Variants in LDLRAD3 observed in about 807,000 individuals in gnomAD.
The protein encoded by LDLRAD3 is low-density lipoprotein receptor class A domain-containing protein 3.
Under a neutral mutation model 29.4 loss-of-function variants are expected in LDLRAD3, and 20 were observed. The observed-to-expected ratio is 0.68, with a 90% CI of 0.48 to 0.99. LDLRAD3 has a LOEUF of 0.99. Ranked by LOEUF, LDLRAD3 falls within the 50% of genes least tolerant of loss-of-function variation. The pLI is 0.00. For synonymous variants in LDLRAD3, 157 were observed against 192.7 expected, an observed-to-expected ratio of 0.81 and a Z score of 1.53; for missense variants, 420 against 454.3, an observed-to-expected ratio of 0.92 and a Z score of 0.69.
At chr11:36,097,538 C>T (rs546807774) in intron 3 of LDLRAD3, among the ~76,000 whole-genome samples, 2 of 151,996 alleles carry the variant, frequency 1.3e-5, no homozygotes, top group Non-Finnish European at 2.9e-5. Flanking sequence ...TTGACCATTT[C>T]GGGTGAGGCA....
chr11:36,220,075 A>T (rs1308756235), intron 4 of LDLRAD3, among the ~76,000 whole-genome samples: 1 of 152,254 alleles, frequency 6.6e-6, no homozygotes, highest in African/African-American at 2.4e-5. Context: ...AGATGCTCAC[A>T]TCATTAGTCA....
chr11:36,091,893 A>G (rs1472865252), intron 3 of LDLRAD3, among the ~76,000 whole-genome samples: 1 of 152,172 alleles, frequency 6.6e-6, no homozygotes, highest in Non-Finnish European at 1.5e-5. Flanking sequence ...ACCAGGCCCC[A>G]TGGGACCACA....
intron 1 of LDLRAD3, among the ~76,000 whole-genome samples, chr11:36,019,236 G>C (rs1004376280): frequency 1.3e-5 from 2 of 152,190 alleles, no homozygotes; most frequent in Non-Finnish European, 2.9e-5. Context: ...ATTATCGCGG[G>C]TGTTCAGTGC....
At chr11:35,962,498 G>A (rs889618473) in intron 1 of LDLRAD3, among the ~76,000 whole-genome samples, 1 of 152,124 alleles carries the variant, frequency 6.6e-6, no homozygotes, top group Non-Finnish European at 1.5e-5. Flanking sequence ...TTTTCCATAT[G>A]TTGGTTCCAC....
chr11:35,979,495 A>G (rs772850728), intron 1 of LDLRAD3, among the ~76,000 whole-genome samples: 1 of 152,156 alleles, frequency 6.6e-6, no homozygotes, highest in Non-Finnish European at 1.5e-5. Context: ...TTGTAGTATG[A>G]TAGAGTTTTC....
rs1855583443 is a variant in LDLRAD3 at position 36,232,014 on chromosome 11, T to C, written c.*2617T>C. Reference sequence around the variant, plus strand: ...AAAAATGCAACTAAGTGGTTAATAGTGTGTGACGCTCAAAGTTAATGTAAA... The same window carrying C: ...AAAAATGCAACTAAGTGGTTAATAGCGTGTGACGCTCAAAGTTAATGTAAA... On this transcript the variant is annotated 3_prime_UTR_variant, in exon 6 of 6. Coordinates refer to ENST00000315571, the MANE Select transcript of LDLRAD3 (RefSeq NM_174902.4). The C allele has an allele frequency of 1.3e-5, 2 of 152,232 alleles. No homozygotes were observed. Among genetic ancestry groups the C allele is most frequent in the African/African-American group, 2.4e-5 (1 of 41,452 alleles). 9.4% of individuals were successfully genotyped at this position (152,232 alleles called of 1,614,324 possible).
In LDLRAD3 at chr11:36,145,225, C is replaced by G. The variant is rs1222074549; in HGVS notation, c.454+46764C>G. 9.3e-4 allele frequency among the ~76,000 whole-genome samples: 66 copies of G among 70,790 alleles called. 2 individuals carry two copies. The highest frequency in any genetic ancestry group is 2.6e-3 in the African/African-American group (40 of 15,682). 46.4% of individuals were successfully genotyped at this position (70,790 alleles called of 152,430 possible). ...GAGGTGGGGGGGTCAGCCCCCCACCCGCCAGCCGCCCCGTCCGGGAGGGAA... is the reference window on the plus strand; with the variant it reads ...GAGGTGGGGGGGTCAGCCCCCCACCGGCCAGCCGCCCCGTCCGGGAGGGAA... On this transcript the variant is annotated intron_variant, in intron 4 of 5. Coordinates refer to ENST00000315571, the MANE Select transcript of LDLRAD3 (RefSeq NM_174902.4).
At chr11:35,994,518 T>A (rs1851729168) in intron 1 of LDLRAD3, among the ~76,000 whole-genome samples, 1 of 152,164 alleles carries the variant, frequency 6.6e-6, no homozygotes, top group Non-Finnish European at 1.5e-5. Flanking sequence ...TGGTATAGGA[T>A]CTTGCCTCAG....
chr11:36,128,891 C>T (rs1282916065), intron 4 of LDLRAD3, among the ~76,000 whole-genome samples: 1 of 151,452 alleles, frequency 6.6e-6, no homozygotes, highest in Admixed American at 6.6e-5. Context: ...ATCACCCTAG[C>T]ATCGGTGGAA....
At chr11:35,967,436 G>A (rs932214660) in intron 1 of LDLRAD3, 1 of 322,318 alleles carries the variant, frequency 3.1e-6, no homozygotes, top group African/African-American at 2.2e-5. Flanking sequence ...AGCCATTGCA[G>A]TGATTAATCC....
chr11:36,225,809 G>A (rs34454619), intron 4 of LDLRAD3, among the ~76,000 whole-genome samples: 7,786 of 152,150 alleles, frequency 0.051, 671 homozygotes, highest in African/African-American at 0.17. Flanking sequence ...AGTGGCTCAC[G>A]CCTGTAATCC....
intron 4 of LDLRAD3, among the ~76,000 whole-genome samples, chr11:36,168,946 A>G (rs1854556425): frequency 6.6e-6 from 1 of 152,166 alleles, no homozygotes; most frequent in Non-Finnish European, 1.5e-5. Context: ...ACACGTTTAA[A>G]AGAGTTTCAC....
At chr11:36,092,400 G>A (rs573499783) in intron 3 of LDLRAD3, among the ~76,000 whole-genome samples, 7 of 152,264 alleles carry the variant, frequency 4.6e-5, no homozygotes, top group Admixed American at 1.3e-4. Flanking sequence ...GTATTCAGCT[G>A]TCCATTACTC....
chr11:36,165,485 A>G (rs532685342), intron 4 of LDLRAD3, among the ~76,000 whole-genome samples: 27 of 152,092 alleles, frequency 1.8e-4, no homozygotes, highest in Non-Finnish European at 3.5e-4. Context: ...TTACACCCCC[A>G]CAAGCAATTT....
At chr11:35,950,853 G>T (rs1282738425) in intron 1 of LDLRAD3, among the ~76,000 whole-genome samples, 1 of 152,182 alleles carries the variant, frequency 6.6e-6, no homozygotes, top group Non-Finnish European at 1.5e-5. Context: ...GGGGGCCGAG[G>T]TGGGCGGATC....
intron 4 of LDLRAD3, among the ~76,000 whole-genome samples, chr11:36,199,041 C>T (rs1426704799): frequency 6.6e-6 from 1 of 152,204 alleles, no homozygotes; most frequent in East Asian, 1.9e-4. Flanking sequence ...GCTGGGACTA[C>T]AGGCGCCTGC....
At chr11:36,047,868 C>A (rs887248760) in intron 2 of LDLRAD3, among the ~76,000 whole-genome samples, 1 of 152,194 alleles carries the variant, frequency 6.6e-6, no homozygotes, top group Non-Finnish European at 1.5e-5. Context: ...GTCAGCTGTA[C>A]TCTTCCTGGC....
intron 1 of LDLRAD3, among the ~76,000 whole-genome samples, chr11:35,970,673 G>A (rs1851400643): frequency 6.6e-6 from 1 of 152,178 alleles, no homozygotes. Flanking sequence ...TAAGCATCTT[G>A]CCCCAGGTCA....
At chr11:36,138,685 T>C (rs1458383363) in intron 4 of LDLRAD3, among the ~76,000 whole-genome samples, 1 of 152,230 alleles carries the variant, frequency 6.6e-6, no homozygotes, top group Non-Finnish European at 1.5e-5. Context: ...CTTACACATC[T>C]TACTTGGAAA....
Sources: gnomAD v4.1 joint callset for allele counts (sites outside exome capture counted in the v4.1 genomes callset) on GRCh38, gnomAD v4.1.1 for gene constraint, MANE v1.5 for transcripts, NCBI Gene and HGNC (gene_info 2026-07-23, HGNC 2026-07-21) for gene names.